The following PDE6H variants were observed in gnomAD, a reference collection of about 807,000 sequenced individuals.
The protein encoded by PDE6H is phosphodiesterase 6H.
In PDE6H, 11 loss-of-function variants were observed where a neutral mutation model predicts 9.2. The observed-to-expected ratio is 1.19, with a 90% CI of 0.75 to 1.97. The LOEUF (loss-of-function observed/expected upper bound fraction) is 1.97, where lower values mean the gene tolerates loss of function less well. Ranked by LOEUF, PDE6H falls within the 30% of genes most tolerant of loss-of-function variation. PDE6H has a pLI of 0.00. For synonymous variants in PDE6H, 36 were observed against 33.6 expected, an observed-to-expected ratio of 1.07 and a Z score of -0.25; for missense variants, 98 against 101.5, an observed-to-expected ratio of 0.97 and a Z score of 0.15.
chr12:14,979,089 C>A, intron 2 of PDE6H, 90 bp from the exon 3 acceptor site: 1 of 820,636 alleles, frequency 1.2e-6, no homozygotes. Flanking sequence ...TCTCCTTCTT[C>A]CCCCTTGAAT....
At chr12:14,978,710 A>G (rs1864634928) in intron 2 of PDE6H, among the ~76,000 whole-genome samples, 3 of 152,146 alleles carry the variant, frequency 2.0e-5, no homozygotes, top group Non-Finnish European at 4.4e-5. Context: ...ATTTATTTGT[A>G]TCTATTCTCC....
At chr12:14,976,341 T>A (rs1234997012) in intron 1 of PDE6H, among the ~76,000 whole-genome samples, 1 of 152,096 alleles carries the variant, frequency 6.6e-6, no homozygotes, top group African/African-American at 2.4e-5. Flanking sequence ...AATTTAGTAA[T>A]AATCAGAATT....
At chr12:14,979,267 C>A in intron 3 of PDE6H, 48 bp downstream of exon 3, 2 of 1,316,284 alleles carry the variant, frequency 1.5e-6, no homozygotes, top group Non-Finnish European at 1.1e-6. Context: ...TGGAGTTCTG[C>A]CTTTTTATAT....
chr12:14,979,724 T>C (rs985784384), intron 3 of PDE6H, among the ~76,000 whole-genome samples: 2 of 152,236 alleles, frequency 1.3e-5, no homozygotes, highest in Non-Finnish European at 2.9e-5. Flanking sequence ...ACATACTGAA[T>C]GCCTGCAATA....
rs756350174 is a variant in PDE6H, at chr12:14,978,140, T to A, written c.128T>A (p.Val43Glu). 3.1e-6 allele frequency: 5 copies of A among 1,613,702 alleles called. No individual in the cohort carries two copies. Among genetic ancestry groups the A allele is most frequent in the Non-Finnish European group, 3.4e-6 (4 of 1,179,908 alleles). Residue 43 changes from valine to glutamate, a missense_variant, in exon 2 of 4, where the codon GTG becomes GAG. Transcript: ENST00000266395. ...QFKSKPPKKGVKGFGDDIPGM... is the reference protein window; with the variant it reads ...QFKSKPPKKGEKGFGDDIPGM... ...AAGAGTAAACCTCCAAAGAAAGGTG[T>A]GAAAGGGTAAGACCAAAATGAAAAG...
chr12:14,976,676 T>G (rs1864600747), intron 1 of PDE6H, among the ~76,000 whole-genome samples: 1 of 152,004 alleles, frequency 6.6e-6, no homozygotes, highest in Non-Finnish European at 1.5e-5. Context: ...GCCTGGCTGA[T>G]GGAGCAAGAA....
chr12:14,973,773 A>G (rs1480824916), intron 1 of PDE6H, among the ~76,000 whole-genome samples: 1 of 152,166 alleles, frequency 6.6e-6, no homozygotes, highest in African/African-American at 2.4e-5. Context: ...TCCACCAACA[A>G]TGGACTGGTC....
chr12:14,979,168 C>T lies in PDE6H; in HGVS notation c.135-11C>T, dbSNP rs762513947. ...AATCTCAGCTAATTTCTCCTTTATT[C>T]TTTTCCATAGATTTGGAGATGACAT... is the stretch of plus-strand genomic sequence containing the variant. On this transcript the variant is annotated splice_polypyrimidine_tract_variant and intron_variant, in intron 2 of 3. Transcript: ENST00000266395. 1.9e-6 allele frequency: 3 copies of T among 1,597,676 alleles called. No homozygotes were observed. The highest frequency in any genetic ancestry group is 2.6e-6 in the Non-Finnish European group (3 of 1,165,478).
chr12:14,976,886 C>T (rs771762578), intron 1 of PDE6H, among the ~76,000 whole-genome samples: 16 of 151,854 alleles, frequency 1.1e-4, no homozygotes, highest in South Asian at 8.3e-4. Flanking sequence ...TTAACTCTTA[C>T]GAAAGAAAGG....
In PDE6H at chr12:14,981,852, A is replaced by T. The variant is rs536950892; in HGVS notation, c.*376A>T. On this transcript the variant is annotated 3_prime_UTR_variant, in exon 4 of 4. Transcript: ENST00000266395. ...CACCTCCTCATATTTAATAAAGGAG[A>T]TATTTACCTTGAATGTTGGTGAAGT... 1 of 327,434 alleles carries T rather than the reference A, an allele frequency of 3.1e-6. No individual in the cohort carries two copies. The highest frequency in any genetic ancestry group is 2.8e-5 in the South Asian group (1 of 35,212). The allele number at this position is 327,434 out of a possible 1,614,324, so 20.3% of individuals were successfully genotyped here.
chr12:14,975,812 GT>G (rs369211334), intron 1 of PDE6H, among the ~76,000 whole-genome samples: 14,840 of 120,028 alleles, frequency 0.12, 1,009 homozygotes, highest in East Asian at 0.27. Flanking sequence ...AATTTCTTTT[GT>G]TTTTTTTTTT....
At chr12:14,973,335 A>G (rs1297728449) in intron 1 of PDE6H, among the ~76,000 whole-genome samples, 1 of 152,208 alleles carries the variant, frequency 6.6e-6, no homozygotes, top group Non-Finnish European at 1.5e-5. Context: ...TACTGAATTC[A>G]TTTAGAAGGA....
intron 1 of PDE6H, 100 bp downstream of exon 1, chr12:14,973,186 T>G (rs979818472): frequency 6.6e-6 from 1 of 152,212 alleles, no homozygotes; most frequent in Non-Finnish European, 1.5e-5. Flanking sequence ...GAAAACATGT[T>G]GGACCTGTGG....
At chr12:14,975,526 G>A (rs984702690) in intron 1 of PDE6H, among the ~76,000 whole-genome samples, 2 of 152,260 alleles carry the variant, frequency 1.3e-5, no homozygotes, top group Admixed American at 1.3e-4. Flanking sequence ...GACTCTGGCA[G>A]GGCTGGGATG....
At chr12:14,979,435 T>C (rs1234140943) in intron 3 of PDE6H, among the ~76,000 whole-genome samples, 4 of 152,214 alleles carry the variant, frequency 2.6e-5, no homozygotes, top group Admixed American at 2.0e-4. Flanking sequence ...GCCCAAAATT[T>C]CATAAACCTT....
intron 1 of PDE6H, among the ~76,000 whole-genome samples, chr12:14,974,799 G>A (rs1233603645): frequency 6.6e-6 from 1 of 152,232 alleles, no homozygotes; most frequent in South Asian, 2.1e-4. Context: ...TATGGCAAGG[G>A]CCCTTCAGCA....
intron 1 of PDE6H, 72 bp from the exon 2 acceptor site, chr12:14,977,900 A>G: frequency 9.4e-7 from 1 of 1,061,296 alleles, no homozygotes; most frequent in South Asian, 1.4e-5. Flanking sequence ...CTCCAGCCTG[A>G]AATAAAGATC....
chr12:14,975,413 T>A (rs1428877991), intron 1 of PDE6H, among the ~76,000 whole-genome samples: 5 of 152,104 alleles, frequency 3.3e-5, no homozygotes, highest in Non-Finnish European at 5.9e-5. Context: ...CCCTAATAGA[T>A]TCTTTAGATG....
chr12:14,974,512 T>C (rs553960499), intron 1 of PDE6H, among the ~76,000 whole-genome samples: 1 of 152,326 alleles, frequency 6.6e-6, no homozygotes, highest in South Asian at 2.1e-4. Context: ...TAATGCATCA[T>C]ACTCAGACAT....
Sources: allele counts gnomAD v4.1 joint callset (sites outside exome capture counted in the v4.1 genomes callset), GRCh38; gene constraint gnomAD v4.1.1; transcripts MANE v1.5; gene names NCBI Gene and HGNC (gene_info 2026-07-23, HGNC 2026-07-21).